Variants in ACACA observed in about 807,000 individuals in gnomAD.
ACACA encodes acetyl-CoA carboxylase 1.
Under a neutral mutation model 296.1 loss-of-function variants are expected in ACACA, and 103 were observed. The observed-to-expected ratio is 0.35, with a 90% CI of 0.30 to 0.41. ACACA has a LOEUF of 0.41. ACACA is among the 10% of genes least tolerant of loss of function. The pLI, the probability that ACACA is intolerant of heterozygous loss-of-function variation, is 1.00. For missense variants in ACACA, 1,554 were observed against 2,989.7 expected (o/e 0.52, Z 11.20); for synonymous variants, 953 against 1,038.6 (o/e 0.92, Z 1.58).
chr17:37,192,063 A>G, intron 37 of ACACA, 27 bp downstream of exon 37: 1 of 1,602,380 alleles, frequency 6.2e-7, no homozygotes, highest in Non-Finnish European at 8.6e-7. Flanking sequence ...CCTCAGGGAT[A>G]ACATCCCATT....
chr17:37,213,089 G>A lies in ACACA; in HGVS notation c.3684-2599C>T, dbSNP rs978590739. On this transcript the variant is annotated intron_variant, in intron 29 of 55. Coordinates refer to ENST00000616317, the MANE Select transcript of ACACA (RefSeq NM_198834.3). ...TTCCAGCGCTTTGGGAGACTGAGGT[G>A]GGTGGATCACTTGAGCCCAGGAGTT... is the stretch of plus-strand genomic sequence containing the variant. 2.0e-5 allele frequency among the ~76,000 whole-genome samples: 3 copies of A among 151,918 alleles called. No homozygotes were observed. The East Asian group carries it at 5.8e-4, about 29-fold the overall frequency.
chr17:37,260,940 C>T (rs566516496), intron 11 of ACACA, among the ~76,000 whole-genome samples: 1 of 151,792 alleles, frequency 6.6e-6, no homozygotes, highest in Non-Finnish European at 1.5e-5. Context: ...GTATCCTAAT[C>T]GATACAGGAA....
intron 10 of ACACA, 41 bp from the exon 11 acceptor site, chr17:37,263,935 T>A (rs1235373339): frequency 6.5e-7 from 1 of 1,536,716 alleles, no homozygotes. Flanking sequence ...AATTCTTAAA[T>A]TTTAAACTTT....
intron 1 of ACACA, among the ~76,000 whole-genome samples, chr17:37,346,573 G>T (rs1393943820): frequency 6.6e-6 from 1 of 151,642 alleles, no homozygotes; most frequent in Non-Finnish European, 1.5e-5. Flanking sequence ...GTGGTGGCGG[G>T]CGCCTGTAGT....
chr17:37,238,675 A>G (rs911279901), intron 24 of ACACA, among the ~76,000 whole-genome samples: 1 of 152,210 alleles, frequency 6.6e-6, no homozygotes, highest in Non-Finnish European at 1.5e-5. Context: ...GGCACCTAAT[A>G]GTGTACATTC....
Position 37,225,058 on chromosome 17 carries a change from T to C in ACACA, c.3408A>G (p.Gln1136=). Residue 1136 remains glutamine, a synonymous_variant, in exon 27 of 56, where the codon CAA becomes CAG. Coordinates refer to ENST00000616317, the MANE Select transcript of ACACA (RefSeq NM_198834.3). The part of the protein sequence containing the change: ...HLPSYELRHN[Q]VESIFLSAID... The stretch of plus-strand genomic sequence containing the variant: ...TAGCTGATAGGAAGATAGACTCTAC[T>C]TGGTTATGGCGAAGCTCATATGATG... 6.2e-7 allele frequency: 1 copy of C among 1,613,258 alleles called. No homozygotes were observed. The highest frequency in any genetic ancestry group is 8.5e-7 in the Non-Finnish European group (1 of 1,179,662).
chr17:37,174,018 A>T (rs1234338441), intron 41 of ACACA, among the ~76,000 whole-genome samples: 3,239 of 15,290 alleles, frequency 0.21, 525 homozygotes, highest in African/African-American at 0.52. Context: ...ATATATATAT[A>T]TATTTTTTTT....
At chr17:37,130,489 T>TGCAGCACAC (rs536671516) in intron 45 of ACACA, among the ~76,000 whole-genome samples, 45 of 152,082 alleles carry the variant, frequency 3.0e-4, no homozygotes, top group African/African-American at 1.0e-3. Context: ...AGTTAATGGG[T>TGCAGCACAC]GCAGCACACC....
chr17:37,090,015 G>A (rs998364797), intron 54 of ACACA, among the ~76,000 whole-genome samples: 63 of 152,264 alleles, frequency 4.1e-4, no homozygotes, highest in Non-Finnish European at 1.6e-4. Flanking sequence ...TATCACTAAC[G>A]AAGTCAAAGT....
intron 32 of ACACA, 64 bp downstream of exon 32, chr17:37,206,719 T>C (rs551717835): frequency 2.3e-6 from 3 of 1,298,886 alleles, no homozygotes; most frequent in South Asian, 2.4e-5. Context: ...GTCAGAAAGA[T>C]AGTATACAGT....
chr17:37,276,110 G>T (rs1489497966), intron 7 of ACACA, 61 bp from the exon 8 acceptor site: 2 of 1,242,090 alleles, frequency 1.6e-6, no homozygotes, highest in Non-Finnish European at 2.4e-6. Context: ...TCTGGCACAT[G>T]TAGTTGCCTT....
intron 39 of ACACA, among the ~76,000 whole-genome samples, chr17:37,182,114 A>G (rs1001232947): frequency 1.3e-5 from 2 of 151,940 alleles, no homozygotes; most frequent in Non-Finnish European, 2.9e-5. Flanking sequence ...TCTTTCCTCA[A>G]TGGCAGAAGG....
intron 3 of ACACA, among the ~76,000 whole-genome samples, chr17:37,328,418 T>C (rs1389419772): frequency 6.6e-6 from 1 of 152,186 alleles, no homozygotes; most frequent in Non-Finnish European, 1.5e-5. Flanking sequence ...AATAATGTTT[T>C]AAATTAATTT....
chr17:37,240,359 TG>T lies in ACACA; in HGVS notation c.3121+116del, dbSNP rs1339651182. ...GTAGTGATAGGAGACTGTTTATTAATGGGAAGTGTTGTTGACAGGAGGGGGC... is the reference window on the plus strand; with the variant it reads ...GTAGTGATAGGAGACTGTTTATTAATGGAAGTGTTGTTGACAGGAGGGGGC... On this transcript the variant is annotated intron_variant, in intron 24 of 55. Coordinates refer to ENST00000616317, the MANE Select transcript of ACACA (RefSeq NM_198834.3). 3.7e-6 allele frequency: 3 copies of T among 806,198 alleles called. No individual in the cohort carries two copies. The African/African-American group carries it at 5.1e-5, about 14-fold the overall frequency. 49.9% of individuals were successfully genotyped at this position (806,198 alleles called of 1,614,324 possible).
intron 10 of ACACA, among the ~76,000 whole-genome samples, chr17:37,266,467 TAA>T (rs375178618): frequency 7.2e-5 from 10 of 139,120 alleles, no homozygotes; most frequent in Non-Finnish European, 7.9e-5. Flanking sequence ...CTGAAAGCAT[TAA>T]AAAAAAAAAA....
chr17:37,294,458 A>G (rs1212901658), intron 3 of ACACA, among the ~76,000 whole-genome samples: 1 of 152,216 alleles, frequency 6.6e-6, no homozygotes, highest in Non-Finnish European at 1.5e-5. Context: ...AAACACATCT[A>G]GACATGTATA....
chr17:37,131,463 C>T (rs938296723), intron 45 of ACACA, among the ~76,000 whole-genome samples: 21 of 152,216 alleles, frequency 1.4e-4, no homozygotes, highest in Middle Eastern at 3.4e-3. Context: ...AGTTGTAGAG[C>T]GCTTACTGTA....
intron 3 of ACACA, among the ~76,000 whole-genome samples, chr17:37,308,904 T>C (rs1344317622): frequency 6.6e-6 from 1 of 152,182 alleles, no homozygotes; most frequent in African/African-American, 2.4e-5. Context: ...GCTACTGCCC[T>C]CAAATAAAAT....
chr17:37,239,363 T>C (rs936396064), intron 24 of ACACA, among the ~76,000 whole-genome samples: 2 of 152,216 alleles, frequency 1.3e-5, no homozygotes, highest in Non-Finnish European at 2.9e-5. Context: ...CTTTAATTCT[T>C]TTCCTTGTCT....
Sources: gnomAD v4.1 joint callset for allele counts (sites outside exome capture counted in the v4.1 genomes callset) on GRCh38, gnomAD v4.1.1 for gene constraint, MANE v1.5 for transcripts, NCBI Gene and HGNC (gene_info 2026-07-23, HGNC 2026-07-21) for gene names.